Variants in PLXDC2 observed in about 807,000 individuals in gnomAD.
The protein encoded by PLXDC2 is plexin domain containing 2.
Under a neutral mutation model 68.9 loss-of-function variants are expected in PLXDC2, and 40 were observed. That is an observed-to-expected ratio of 0.58 (90% confidence interval 0.45 to 0.76). The LOEUF is 0.76. Ranked by LOEUF, PLXDC2 falls within the 30% of genes least tolerant of loss-of-function variation. The pLI, the probability that PLXDC2 is intolerant of heterozygous loss-of-function variation, is 0.00. For synonymous variants in PLXDC2, 243 were observed against 234.2 expected (o/e 1.04, Z -0.34); for missense variants, 644 against 661.9 (o/e 0.97, Z 0.30).
chr10:19,854,507 C>T (rs902655493), intron 1 of PLXDC2, among the ~76,000 whole-genome samples: 1 of 152,246 alleles, frequency 6.6e-6, no homozygotes, highest in Admixed American at 6.5e-5. Context: ...TCTACTAGAC[C>T]AGCTGCTATA....
At chr10:19,900,720 A>C (rs1055025683) in intron 1 of PLXDC2, among the ~76,000 whole-genome samples, 1 of 151,846 alleles carries the variant, frequency 6.6e-6, no homozygotes, top group African/African-American at 2.4e-5. Flanking sequence ...AGCAGTGTAC[A>C]TTGTACCCAA....
At chr10:20,277,884 C>T (rs1038219326) in intron 13 of PLXDC2, among the ~76,000 whole-genome samples, 4 of 152,148 alleles carry the variant, frequency 2.6e-5, no homozygotes, top group African/African-American at 9.7e-5. Context: ...TCTACTCTAT[C>T]TCCATGAGTT....
chr10:20,018,805 A>C lies in PLXDC2; in HGVS notation c.324+16819A>C, dbSNP rs535585074. Among the ~76,000 whole-genome samples the C allele has an allele frequency of 2.0e-5, 3 of 152,338 alleles. No individual in the cohort carries two copies. In the East Asian group the frequency reaches 5.8e-4, roughly 29 times the overall value. ...ATTGGCAAAAGATTCAATTTTTAAT[A>C]AGACAGGAGCTGTTCTATGGTGATT... On this transcript the variant is annotated intron_variant, in intron 2 of 13. Coordinates refer to ENST00000377252, the MANE Select transcript of PLXDC2 (RefSeq NM_032812.9).
chr10:19,858,925 T>C (rs1837266305), intron 1 of PLXDC2, among the ~76,000 whole-genome samples: 1 of 151,784 alleles, frequency 6.6e-6, no homozygotes. Flanking sequence ...CAAAAAAGCA[T>C]GGCGCCAACA....
chr10:19,954,009 G>A (rs1021801554), intron 1 of PLXDC2, among the ~76,000 whole-genome samples: 2 of 152,056 alleles, frequency 1.3e-5, no homozygotes, highest in African/African-American at 4.8e-5. Context: ...CTTGGCTTGA[G>A]TCTTTGGAAG....
chr10:20,235,610 G>A (rs1276104635), intron 12 of PLXDC2, among the ~76,000 whole-genome samples: 2 of 152,142 alleles, frequency 1.3e-5, no homozygotes, highest in South Asian at 4.1e-4. Flanking sequence ...TTTAGGTCCA[G>A]CAGTGTGAGA....
chr10:19,865,567 G>A (rs1438792782), intron 1 of PLXDC2, among the ~76,000 whole-genome samples: 2 of 152,026 alleles, frequency 1.3e-5, no homozygotes, highest in Non-Finnish European at 2.9e-5. Context: ...CTGCCATTTA[G>A]CCTCTCAGGG....
At chr10:20,079,725 T>C (rs551037896) in intron 4 of PLXDC2, among the ~76,000 whole-genome samples, 1 of 150,950 alleles carries the variant, frequency 6.6e-6, no homozygotes, top group African/African-American at 2.4e-5. Context: ...TAAGTGGGAG[T>C]TGAACAATAA....
At chr10:19,888,674 C>T (rs1014802257) in intron 1 of PLXDC2, among the ~76,000 whole-genome samples, 1 of 152,084 alleles carries the variant, frequency 6.6e-6, no homozygotes, top group African/African-American at 2.4e-5. Context: ...GGTACTTGCA[C>T]AGATCTAGGT....
At chr10:20,047,128 T>G (rs1835811643) in intron 3 of PLXDC2, 113 bp downstream of exon 3, 1 of 1,093,516 alleles carries the variant, frequency 9.1e-7, no homozygotes, top group Non-Finnish European at 1.3e-6. Context: ...AGAATGGCCT[T>G]ATCTGTGGTA....
intron 1 of PLXDC2, among the ~76,000 whole-genome samples, chr10:19,828,026 C>T (rs746864539): frequency 1.3e-5 from 2 of 152,076 alleles, no homozygotes; most frequent in Non-Finnish European, 2.9e-5. Context: ...TTAAAATGAA[C>T]AACTCAGTTA....
chr10:20,103,793 C>T (rs1385695665), intron 4 of PLXDC2, among the ~76,000 whole-genome samples: 2 of 152,094 alleles, frequency 1.3e-5, no homozygotes, highest in African/African-American at 2.4e-5. Context: ...CAGGCATGCG[C>T]CACCACGCCC....
Position 20,155,989 on chromosome 10 carries a change from C to A in PLXDC2, c.783+8087C>A, listed in dbSNP as rs938510950. Among the ~76,000 whole-genome samples the A allele has an allele frequency of 5.3e-5, 8 of 152,244 alleles. No individual in the cohort carries two copies. The East Asian group carries it at 1.4e-3, about 26-fold the overall frequency. On this transcript the variant is annotated intron_variant, in intron 6 of 13. Coordinates refer to ENST00000377252, the MANE Select transcript of PLXDC2 (RefSeq NM_032812.9). ...CTGCCTCCCGAGTTCAAATGACTAT[C>A]CTGCCTCAGCCTCCCAAGGAGCTGG...
At chr10:20,255,390 G>C (rs1013003583) in intron 13 of PLXDC2, among the ~76,000 whole-genome samples, 4 of 152,078 alleles carry the variant, frequency 2.6e-5, no homozygotes, top group African/African-American at 9.7e-5. Flanking sequence ...GTTACCTCTT[G>C]AAGAGACTAC....
intron 1 of PLXDC2, among the ~76,000 whole-genome samples, chr10:19,915,093 A>T (rs1403621173): frequency 1.3e-5 from 2 of 152,076 alleles, no homozygotes; most frequent in African/African-American, 4.8e-5. Context: ...TTTAACTGGT[A>T]TATTTAGAAC....
intron 1 of PLXDC2, among the ~76,000 whole-genome samples, chr10:19,954,341 T>G (rs1834035031): frequency 6.6e-6 from 1 of 152,202 alleles, no homozygotes; most frequent in Admixed American, 6.5e-5. Context: ...GCCAATTTTG[T>G]GTAATTGGCA....
At position 20,272,933 on chromosome 10, in the gene PLXDC2, G is replaced by T. The variant is rs74119594; in HGVS notation, c.1474-6770G>T. Among the ~76,000 whole-genome samples the T allele has an allele frequency of 3.1e-3, 477 of 152,300 alleles. 4 individuals are homozygous for T. The highest frequency in any genetic ancestry group is 0.011 in the African/African-American group (461 of 41,560). On this transcript the variant is annotated intron_variant, in intron 13 of 13. Transcript: ENST00000377252. ...AGTAACACACTTGGCTCCCAACAGT[G>T]AACTCAGCTACATGCATTCATTTAG...
chr10:20,211,592 C>T (rs1048179471), intron 9 of PLXDC2, 77 bp from the exon 10 acceptor site: 5 of 1,338,992 alleles, frequency 3.7e-6, no homozygotes, highest in Admixed American at 4.0e-5. Context: ...ACCTACTAAT[C>T]TTTTACTTTT....
At chr10:20,053,833 G>T (rs1835946965) in intron 3 of PLXDC2, among the ~76,000 whole-genome samples, 2 of 152,084 alleles carry the variant, frequency 1.3e-5, no homozygotes, top group Non-Finnish European at 2.9e-5. Context: ...TAACCTGGAA[G>T]AAAGGGGGTA....
Sources: gnomAD v4.1 joint callset for allele counts (sites outside exome capture counted in the v4.1 genomes callset) on GRCh38, gnomAD v4.1.1 for gene constraint, MANE v1.5 for transcripts, NCBI Gene and HGNC (gene_info 2026-07-23, HGNC 2026-07-21) for gene names.